LRP1B: variants seen among roughly 807,000 people sequenced by gnomAD.
The protein encoded by LRP1B is LDL receptor related protein 1B.
Under a neutral mutation model 556.6 loss-of-function variants are expected in LRP1B, and 217 were observed. The ratio of observed to expected loss-of-function variants is 0.39; its 90% CI spans 0.35 to 0.44. LRP1B has a LOEUF of 0.44. Among genes scored for constraint, LRP1B ranks in the 20% least tolerant of loss-of-function variants. The probability of loss-of-function intolerance (pLI) is 1.00; values close to 1 mark genes in which losing one functional copy is unlikely to be tolerated. For synonymous variants in LRP1B, 2,047 were observed against 1,865.8 expected (o/e 1.10, Z -2.50); for missense variants, 5,053 against 5,620.8 (o/e 0.90, Z 3.23).
intron 41 of LRP1B, among the ~76,000 whole-genome samples, chr2:140,660,878 T>C (rs1685068018): frequency 6.6e-6 from 1 of 151,572 alleles, no homozygotes; most frequent in Non-Finnish European, 1.5e-5. Context: ...TGTGTTTTTT[T>C]TTTTTTTAAA....
chr2:141,120,284 GAATTT>G (rs988403911), intron 7 of LRP1B, among the ~76,000 whole-genome samples: 22 of 151,860 alleles, frequency 1.4e-4, no homozygotes, highest in African/African-American at 5.3e-4. Context: ...TTGTTGTTGA[GAATTT>G]AATAGAAAAG....
At chr2:141,096,628 G>GACA (rs1558858128) in intron 7 of LRP1B, among the ~76,000 whole-genome samples, 5 of 33,640 alleles carry the variant, frequency 1.5e-4, no homozygotes, top group Non-Finnish European at 3.1e-4. Context: ...CGGGGAGAGG[G>GACA]GGAGAGAGAG....
chr2:140,390,059 G>A (rs1683948062), intron 66 of LRP1B, among the ~76,000 whole-genome samples: 1 of 152,214 alleles, frequency 6.6e-6, no homozygotes, highest in African/African-American at 2.4e-5. Context: ...GAGCCCAGGA[G>A]GCAGAGGTTG....
At chr2:141,195,815 G>C (rs1681727326) in intron 6 of LRP1B, among the ~76,000 whole-genome samples, 1 of 152,006 alleles carries the variant, frequency 6.6e-6, no homozygotes, top group Non-Finnish European at 1.5e-5. Flanking sequence ...CCTCAAGAAG[G>C]GCAGCATCAG....
At chr2:141,215,474 G>A (rs890183120) in intron 6 of LRP1B, among the ~76,000 whole-genome samples, 6 of 152,204 alleles carry the variant, frequency 3.9e-5, no homozygotes, top group African/African-American at 1.4e-4. Flanking sequence ...AACAGGAAGA[G>A]ATTGGAAGAG....
At chr2:142,115,871 G>T (rs1442825012) in intron 1 of LRP1B, among the ~76,000 whole-genome samples, 18 of 103,716 alleles carry the variant, frequency 1.7e-4, no homozygotes, top group Non-Finnish European at 2.1e-4. Flanking sequence ...TATATATATG[G>T]GGGAAGTGAC....
intron 66 of LRP1B, among the ~76,000 whole-genome samples, chr2:140,423,550 A>C (rs1405838461): frequency 6.6e-6 from 1 of 152,126 alleles, no homozygotes; most frequent in African/African-American, 2.4e-5. Flanking sequence ...CCAAATTAAA[A>C]AGAATAATTT....
chr2:140,302,705 G>C (rs1683886549), intron 83 of LRP1B, among the ~76,000 whole-genome samples: 1 of 151,904 alleles, frequency 6.6e-6, no homozygotes, highest in Non-Finnish European at 1.5e-5. Context: ...TAAAGGTGAA[G>C]GAAAGGTGAA....
intron 1 of LRP1B, among the ~76,000 whole-genome samples, chr2:141,900,340 G>A (rs560709733): frequency 5.3e-5 from 8 of 152,078 alleles, no homozygotes; most frequent in African/African-American, 1.7e-4. Context: ...GCATGGATAT[G>A]ACACTGTTTG....
intron 1 of LRP1B, among the ~76,000 whole-genome samples, chr2:141,896,709 C>T (rs1467981542): frequency 6.6e-6 from 1 of 152,054 alleles, no homozygotes; most frequent in African/African-American, 2.4e-5. Flanking sequence ...TTTTTGTTGA[C>T]ATAAATACAA....
chr2:141,477,175 A>C (rs1392411520), intron 3 of LRP1B, among the ~76,000 whole-genome samples: 6 of 151,716 alleles, frequency 4.0e-5, no homozygotes, highest in Non-Finnish European at 7.4e-5. Flanking sequence ...AAACAAAAAA[A>C]CCACATCCAT....
rs150873963 is a variant in LRP1B at position 141,058,946 on chromosome 2, A to T, written c.1345T>A (p.Ser449Thr). Residue 449 changes from serine to threonine, a missense_variant, in exon 9 of 91, where the codon TCA becomes ACA. Ser to Thr is a moderately conservative substitution (Grantham distance 58). This residue lies in a region of LRP1B where 3,619 missense variants were observed against 3,931.9 expected (regional missense o/e 0.92). Transcript: ENST00000389484. ...INRFNGTDIH[S>T]LIKIENAWGI... ...CAAGCATTCTCAATTTTAATTAATGAGTGAATATCAGTCCCATTAAATCGG... is the reference window on the plus strand; with the variant it reads ...CAAGCATTCTCAATTTTAATTAATGTGTGAATATCAGTCCCATTAAATCGG... 292 of 1,599,038 alleles carry T rather than the reference A, an allele frequency of 1.8e-4. No individual in the cohort carries two copies. Among genetic ancestry groups the T allele is most frequent in the Non-Finnish European group, 3.8e-5 (45 of 1,173,054 alleles).
chr2:141,339,787 A>G (rs1390003785), intron 3 of LRP1B, among the ~76,000 whole-genome samples: 1 of 141,572 alleles, frequency 7.1e-6, no homozygotes, highest in Non-Finnish European at 1.6e-5. Flanking sequence ...TTATTTATTT[A>G]TTTATTTTAC....
At chr2:141,708,721 T>G (rs756398348) in intron 2 of LRP1B, among the ~76,000 whole-genome samples, 1 of 152,096 alleles carries the variant, frequency 6.6e-6, no homozygotes, top group Non-Finnish European at 1.5e-5. Context: ...CATAGGGTCT[T>G]TAAAGAGGTG....
intron 31 of LRP1B, among the ~76,000 whole-genome samples, chr2:140,818,559 T>C (rs529338193): frequency 2.6e-4 from 40 of 152,270 alleles, no homozygotes; most frequent in Non-Finnish European, 4.0e-4. Flanking sequence ...GGCTAGTTAT[T>C]ACATGGAGAA....
At chr2:141,219,507 G>A (rs568869822) in intron 6 of LRP1B, among the ~76,000 whole-genome samples, 1 of 152,198 alleles carries the variant, frequency 6.6e-6, no homozygotes, top group African/African-American at 2.4e-5. Context: ...AGTGGACCTA[G>A]TCTTTCCTGT....
intron 7 of LRP1B, among the ~76,000 whole-genome samples, chr2:141,119,511 C>T (rs573490276): frequency 8.6e-5 from 13 of 151,894 alleles, no homozygotes; most frequent in African/African-American, 2.9e-4. Context: ...ATGACTACAT[C>T]TTCTTCCCAA....
chr2:140,762,956 C>T (rs1688977411), intron 35 of LRP1B, among the ~76,000 whole-genome samples: 1 of 151,990 alleles, frequency 6.6e-6, no homozygotes, highest in Admixed American at 6.6e-5. Context: ...CGTACCTAAG[C>T]TAAAAGAGAT....
intron 50 of LRP1B, among the ~76,000 whole-genome samples, chr2:140,515,916 G>T (rs542417659): frequency 5.3e-5 from 8 of 152,076 alleles, no homozygotes; most frequent in Admixed American, 2.0e-4. Context: ...ATTCACCACA[G>T]TGTATGTTAT....
Sources: gnomAD v4.1 joint callset for allele counts (sites outside exome capture counted in the v4.1 genomes callset) on GRCh38, gnomAD v4.1.1 for gene constraint, gnomAD v4.1.1 regional missense constraint, MANE v1.5 for transcripts, NCBI Gene and HGNC (gene_info 2026-07-23, HGNC 2026-07-21) for gene names.